GREB1: variants seen among roughly 807,000 people sequenced by gnomAD.
GREB1 encodes protein GREB1.
GREB1 carries 106 observed loss-of-function variants against 200.7 expected under a neutral mutation model. That is an observed-to-expected ratio of 0.53 (90% CI 0.45 to 0.62). The LOEUF (loss-of-function observed/expected upper bound fraction) is 0.62. GREB1 is among the 20% of genes least tolerant of loss of function. GREB1 has a pLI of 0.00. For synonymous variants in GREB1, 1,132 were observed against 1,092.4 expected (o/e 1.04, Z -0.72); for missense variants, 2,243 against 2,556.8 (o/e 0.88, Z 2.65).
chr2:11,601,612 C>G (rs1681788976), intron 16 of GREB1, among the ~76,000 whole-genome samples: 1 of 152,190 alleles, frequency 6.6e-6, no homozygotes, highest in African/African-American at 2.4e-5. Context: ...GCCTCGCAAT[C>G]CTCTGAGAAA....
At chr2:11,533,410 G>A (rs1674148480), upstream of GREB1, among the ~76,000 whole-genome samples, 1 of 152,172 alleles carries the variant, frequency 6.6e-6, no homozygotes, top group African/African-American at 2.4e-5. Flanking sequence ...TGTTATCTCT[G>A]TTTATGGCTG....
intron 12 of GREB1, 98 bp from the exon 13 acceptor site, chr2:11,596,013 T>G (rs1681174205): frequency 8.3e-7 from 1 of 1,202,920 alleles, no homozygotes. Flanking sequence ...CCTTCATGAC[T>G]CCAGGCCTCG....
chr2:11,596,118 C>T lies in GREB1; in HGVS notation c.1833C>T (p.Asp611=). 1 of 1,613,272 alleles carries T rather than the reference C, an allele frequency of 6.2e-7. No individual in the cohort carries two copies. ...TTATTCTGTCTTGGGCAGAGGGTGA[C>T]ATTGACATTTTGCTGGACAAATTTC... The part of the protein sequence containing the change: ...AFFSTLCPEG[D]IDILLDKFHQ... Residue 611 remains aspartate, a synonymous_variant, in exon 13 of 33, where the codon GAC becomes GAT. Transcript: ENST00000381486.
At chr2:11,632,300 T>C (rs1304017966) in intron 27 of GREB1, among the ~76,000 whole-genome samples, 187 bp downstream of exon 27, 2 of 151,876 alleles carry the variant, frequency 1.3e-5, no homozygotes, top group Non-Finnish European at 1.5e-5. Flanking sequence ...TGTTTGGTTA[T>C]CCATTTAATC....
chr2:11,632,973 C>T lies in GREB1; in HGVS notation c.4901C>T (p.Pro1634Leu). The T allele has an allele frequency of 1.9e-6, 3 of 1,614,136 alleles. No individual in the cohort carries two copies. The highest frequency in any genetic ancestry group is 2.5e-6 in the Non-Finnish European group (3 of 1,180,014). ...CGGCAGGAGGAGCTGGGAATCAAGC[C>T]GCAGGACATCTGGCCTTTCATTGTG... ...RNRQEELGIK[P>L]QDIWPFIVIS... The change falls in exon 28 of 33, where the codon CCG becomes CTG. Residue 1634 changes from proline to leucine, a missense_variant. Physicochemically the swap from Pro to Leu is moderately conservative, Grantham distance 98 (BLOSUM62 -3). Around this residue, in one of 3 missense-constraint regions of GREB1, gnomAD observed 478 missense variants for 616.3 expected, o/e 0.78. Transcript: ENST00000381486.
At position 11,637,796 on chromosome 2, in the gene GREB1, C is replaced by G. The variant is rs751183792; in HGVS notation, c.5427C>G (p.Pro1809=). 1 of 1,614,134 alleles carries G rather than the reference C, an allele frequency of 6.2e-7. No individual in the cohort carries two copies. Among genetic ancestry groups the G allele is most frequent in the Non-Finnish European group, 8.5e-7 (1 of 1,180,014 alleles). ...PDSKHTFLAA[P]AQLLLEKFLQ... The stretch of plus-strand genomic sequence containing the variant: ...GCAAGCACACGTTCCTCGCAGCGCC[C>G]GCCCAGCTCCTGCTGGAGAAGTTCC... Residue 1809 remains proline (P), a synonymous_variant, in exon 31 of 33, where the codon CCC becomes CCG. Transcript: ENST00000381486.
intron 11 of GREB1, among the ~76,000 whole-genome samples, chr2:11,594,426 C>A (rs1681023119): frequency 6.6e-6 from 1 of 151,700 alleles, no homozygotes; most frequent in Non-Finnish European, 1.5e-5. Context: ...GCAGTCTCAG[C>A]TCACTGCAAC....
intron 1 of GREB1, among the ~76,000 whole-genome samples, chr2:11,551,004 G>A (rs1412277412): frequency 6.6e-6 from 1 of 151,968 alleles, no homozygotes; most frequent in African/African-American, 2.4e-5. Flanking sequence ...CATTCTACCC[G>A]AGTCCTCTAA....
In GREB1 at chr2:11,569,917, A is replaced by G. The variant is rs186082907; in HGVS notation, c.454+3261A>G. 4.7e-4 allele frequency among the ~76,000 whole-genome samples: 72 copies of G among 152,256 alleles called. No homozygotes were observed. The Middle Eastern group carries it at 0.01, about 22-fold the overall frequency. ...GTGCCCAGCTGGGTTCTGCTTGGAA[A>G]AGGAGCTATTTTCAAACTATGGAAG... On this transcript the variant is annotated intron_variant, in intron 4 of 32. Transcript: ENST00000381486.
rs201714486 is a variant in GREB1 at position 11,615,198 on chromosome 2, C to A, written c.3230C>A (p.Pro1077His). ...LAAYFVSNEVPLEKGARNEAL... is the reference protein window; with the variant it reads ...LAAYFVSNEVHLEKGARNEAL... ...GCCTACTTTGTGAGCAACGAGGTTC[C>A]CTTGGAGAAGGGGGCTAGGAACGAG... Residue 1077 changes from proline (P) to histidine (H), a missense_variant, in exon 20 of 33, where the codon CCC becomes CAC. Physicochemically the swap from Pro to His is moderately conservative, Grantham distance 77. Around this residue, in one of 3 missense-constraint regions of GREB1, gnomAD observed 1,178 missense variants for 1,387.4 expected, o/e 0.85. Transcript: ENST00000381486. 10 of 1,614,076 alleles carry A rather than the reference C, an allele frequency of 6.2e-6. No individual in the cohort carries two copies. The African/African-American group carries it at 1.1e-4, about 17-fold the overall frequency.
intron 1 of GREB1, among the ~76,000 whole-genome samples, chr2:11,503,902 C>T (rs1272493372): frequency 6.6e-6 from 1 of 152,116 alleles, no homozygotes; most frequent in East Asian, 1.9e-4. Flanking sequence ...CTAGTGGGTG[C>T]CTGAAACCAT....
rs570518623 is a variant in GREB1, at chr2:11,608,292, T to G, written c.2667-2396T>G. 2.0e-4 allele frequency among the ~76,000 whole-genome samples: 31 copies of G among 152,372 alleles called. No homozygotes were observed. The East Asian group carries it at 5.6e-3, about 27-fold the overall frequency. ...CAAGTTCAGTCTTTCCTCTAGATTT[T>G]TAACCATATAGAATATAGTTACAAT... On this transcript the variant is annotated intron_variant, in intron 17 of 32. Coordinates refer to ENST00000381486, the MANE Select transcript of GREB1 (RefSeq NM_014668.4).
chr2:11,536,116 A>G (rs927539749), intron 1 of GREB1, among the ~76,000 whole-genome samples: 1 of 152,204 alleles, frequency 6.6e-6, no homozygotes, highest in African/African-American at 2.4e-5. Context: ...CCTGGAGCAT[A>G]CACAGGAGTG....
rs1681377889 is a variant in GREB1, at chr2:11,597,493, T to C, written c.1955-288T>C. Among the ~76,000 whole-genome samples, 1 of 152,100 alleles carries C rather than the reference T, an allele frequency of 6.6e-6. No homozygotes were observed. The highest frequency in any genetic ancestry group is 2.4e-5 in the African/African-American group (1 of 41,380). ...ATCACCTCCCCTGGGATAGGCTCCT[T>C]GTCCCCTCTAAGCAGAAGAGACCAC... On this transcript the variant is annotated intron_variant, in intron 13 of 32. Transcript: ENST00000381486. This position sits in a 1 kb window ranked among gnomAD's most constrained non-coding sequence, Gnocchi z 4.1.
intron 16 of GREB1, among the ~76,000 whole-genome samples, chr2:11,601,261 A>G (rs1681755011): frequency 1.3e-5 from 2 of 152,172 alleles, no homozygotes; most frequent in African/African-American, 2.4e-5. Context: ...TCTGAGCAGC[A>G]TGTGGAATGT....
intron 9 of GREB1, chr2:11,587,694 A>ACACACACACACAC (rs1680274690): frequency 1.6e-6 from 1 of 635,418 alleles, no homozygotes; most frequent in Non-Finnish European, 2.0e-6. Flanking sequence ...AGTACAAGAT[A>ACACACACACACAC]ACACACACAC....
chr2:11,581,227 G>A (rs1679445640), intron 7 of GREB1: 1 of 560,458 alleles, frequency 1.8e-6, no homozygotes, highest in South Asian at 2.5e-5. Flanking sequence ...TTAGTCAGGG[G>A]ACCTTGGCCA....
chr2:11,632,802 G>A (rs1468197138), intron 27 of GREB1, 87 bp from the exon 28 acceptor site: 18 of 1,150,592 alleles, frequency 1.6e-5, no homozygotes, highest in Middle Eastern at 2.7e-4. Context: ...TTGTCTGGGC[G>A]GCCCCGACAG....
At chr2:11,569,774 G>A (rs1457339920) in intron 4 of GREB1, among the ~76,000 whole-genome samples, 4 of 152,200 alleles carry the variant, frequency 2.6e-5, no homozygotes, top group Non-Finnish European at 4.4e-5. Flanking sequence ...AGGTCCTGGA[G>A]GATGAAGGGC....
Sources: gnomAD v4.1 joint callset for allele counts (sites outside exome capture counted in the v4.1 genomes callset) on GRCh38, gnomAD v4.1.1 for gene constraint, gnomAD v4.1.1 regional missense constraint, Gnocchi (gnomAD v3.1) non-coding constraint, MANE v1.5 for transcripts, NCBI Gene and HGNC (gene_info 2026-07-23, HGNC 2026-07-21) for gene names.